Variants in SPMAP2 observed in about 807,000 individuals in gnomAD.
The protein encoded by SPMAP2 is Theg homolog.
At chr19:374,814 G>A in the SPMAP2 span, among the ~76,000 whole-genome samples, 1 of 152,270 alleles carries the variant, frequency 6.6e-6, no homozygotes, top group Non-Finnish European at 1.5e-5. Context: ...CCTCTAAAGA[G>A]AGCGGCTCCT....
the SPMAP2 span, chr19:367,068 C>G: frequency 6.2e-7 from 1 of 1,612,846 alleles, no homozygotes; most frequent in East Asian, 2.2e-5. Context: ...TACTTACTGG[C>G]CAAGTGAAGG....
the SPMAP2 span, among the ~76,000 whole-genome samples, chr19:367,438 G>C: frequency 2.6e-5 from 4 of 152,200 alleles, no homozygotes; most frequent in Non-Finnish European, 4.4e-5. Context: ...GCTGAGCAAA[G>C]GGTACAGGAG....
chr19:364,711 C>G, the SPMAP2 span, among the ~76,000 whole-genome samples: 1 of 152,148 alleles, frequency 6.6e-6, no homozygotes, highest in African/African-American at 2.4e-5. Context: ...GTCTTGCTCC[C>G]TGGTGGCTGT....
the SPMAP2 span, chr19:362,483 T>G: frequency 2.1e-6 from 3 of 1,434,098 alleles, no homozygotes; most frequent in Non-Finnish European, 2.9e-6. Context: ...AGCTCCACAT[T>G]CAGGCTGGGC....
chr19:375,943 C>T, the SPMAP2 span: 41 of 1,446,024 alleles, frequency 2.8e-5, no homozygotes, highest in Middle Eastern at 4.0e-4. Context: ...GGCTGGTTCC[C>T]GAGTGACCTT....
At chr19:375,975 C>T in the SPMAP2 span, 165 of 1,393,448 alleles carry the variant, frequency 1.2e-4, 1 homozygote, top group South Asian at 1.8e-3. Flanking sequence ...CCCCATACAC[C>T]GGTCCCTTCC....
chr19:371,083 A>T, the SPMAP2 span: 1 of 548,046 alleles, frequency 1.8e-6, no homozygotes, highest in South Asian at 4.0e-5. Context: ...TCCCAGACAA[A>T]GGCAGCCGCC....
the SPMAP2 span, among the ~76,000 whole-genome samples, chr19:369,709 G>A: frequency 4.6e-5 from 7 of 152,212 alleles, no homozygotes; most frequent in Non-Finnish European, 7.3e-5. Context: ...AGCAAAGGGT[G>A]GTGGATTATC....
At chr19:373,966 C>T in the SPMAP2 span, 1 of 1,613,662 alleles carries the variant, frequency 6.2e-7, no homozygotes, top group Non-Finnish European at 8.5e-7. Flanking sequence ...GCAAGCTCAT[C>T]TTACATGGGG....
the SPMAP2 span, chr19:375,639 G>C: frequency 3.9e-6 from 6 of 1,532,598 alleles, no homozygotes; most frequent in South Asian, 7.8e-5. Context: ...CCGCACCCAG[G>C]CAGGCCCGTT....
At chr19:361,994 A>G in the SPMAP2 span, 1 of 411,872 alleles carries the variant, frequency 2.4e-6, no homozygotes, top group Admixed American at 4.4e-5. Flanking sequence ...GAAGAGATTC[A>G]GAAGGCGCTC....
chr19:371,410 G>GTGTGTA, the SPMAP2 span: 6 of 566,594 alleles, frequency 1.1e-5, no homozygotes. Flanking sequence ...GTGTGTATGT[G>GTGTGTA]TCTGTCTGTC....
chr19:364,286 G>A, the SPMAP2 span, among the ~76,000 whole-genome samples: 2 of 142,418 alleles, frequency 1.4e-5, no homozygotes, highest in African/African-American at 5.2e-5. Context: ...GCAGTGAGCT[G>A]AGATCGCGCC....
chr19:374,771 T>C, the SPMAP2 span, among the ~76,000 whole-genome samples: 4 of 152,244 alleles, frequency 2.6e-5, no homozygotes, highest in Admixed American at 2.6e-4. Context: ...TGTCAAGTGC[T>C]TACTGTATGC....
At chr19:375,366 C>T in the SPMAP2 span, among the ~76,000 whole-genome samples, 5,114 of 152,222 alleles carry the variant, frequency 0.034, 206 homozygotes, top group African/African-American at 0.089. Flanking sequence ...GAACTCTGGG[C>T]ACCTGAACTC....
the SPMAP2 span, among the ~76,000 whole-genome samples, chr19:366,728 G>A: frequency 7.9e-5 from 12 of 152,102 alleles, no homozygotes; most frequent in African/African-American, 2.7e-4. Flanking sequence ...CTGGCAATTC[G>A]CACACATTAC....
the SPMAP2 span, among the ~76,000 whole-genome samples, chr19:370,641 C>A: frequency 2.0e-5 from 3 of 152,266 alleles, no homozygotes; most frequent in East Asian, 5.8e-4. Context: ...TGAGCCACCG[C>A]GCCCGGCGTA....
At chr19:362,194 G>A in the SPMAP2 span, 4 of 1,481,144 alleles carry the variant, frequency 2.7e-6, no homozygotes, top group African/African-American at 5.6e-5. Context: ...ACTGGGAGCG[G>A]AGGTCTTAGA....
the SPMAP2 span, chr19:371,369 G>GGT: frequency 2.8e-4 from 242 of 851,140 alleles, no homozygotes; most frequent in East Asian, 2.0e-3. Context: ...CGGGGGTGGG[G>GGT]GTGTGTGTGT....
Sources: allele counts gnomAD v4.1 joint callset (sites outside exome capture counted in the v4.1 genomes callset), GRCh38; gene constraint gnomAD v4.1.1; transcripts MANE v1.5; gene names NCBI Gene and HGNC (gene_info 2026-07-23, HGNC 2026-07-21).